The following LIN7A variants were observed in gnomAD, a reference collection of about 807,000 sequenced individuals.
LIN7A encodes lin-7 cell polarity scaffold A, also known as protein lin-7 homolog A.
Under a neutral mutation model 29.8 loss-of-function variants are expected in LIN7A, and 25 were observed. The observed-to-expected ratio is 0.84, with a 90% CI of 0.61 to 1.17. The LOEUF (loss-of-function observed/expected upper bound fraction) is 1.17. LIN7A is among the 50% of genes most tolerant of loss of function. The pLI is 0.00. For synonymous variants in LIN7A, 118 were observed against 107.5 expected, an observed-to-expected ratio of 1.10 and a Z score of -0.60; for missense variants, 239 against 287.0, an observed-to-expected ratio of 0.83 and a Z score of 1.21.
intron 2 of LIN7A, among the ~76,000 whole-genome samples, chr12:80,867,344 C>G (rs960802770): frequency 1.3e-5 from 2 of 152,170 alleles, no homozygotes; most frequent in African/African-American, 2.4e-5. Context: ...ACCCTCACTC[C>G]TGACAAGGGA....
intron 2 of LIN7A, among the ~76,000 whole-genome samples, chr12:80,888,774 G>A (rs534492180): frequency 1.3e-5 from 2 of 152,096 alleles, no homozygotes; most frequent in African/African-American, 2.4e-5. Context: ...GTCAAGAAAG[G>A]ATTACAATGT....
chr12:80,810,000 T>C (rs1871211030), intron 5 of LIN7A, among the ~76,000 whole-genome samples: 1 of 152,240 alleles, frequency 6.6e-6, no homozygotes, highest in South Asian at 2.1e-4. Context: ...CAAATACTTA[T>C]TGTTTCTTTG....
chr12:80,851,920 T>G (rs536989702), intron 2 of LIN7A, among the ~76,000 whole-genome samples: 1 of 152,274 alleles, frequency 6.6e-6, no homozygotes, highest in African/African-American at 2.4e-5. Context: ...TAGAACTTAT[T>G]CCAAGCTACT....
At chr12:80,918,975 C>A (rs746855183) in intron 1 of LIN7A, among the ~76,000 whole-genome samples, 10 of 152,188 alleles carry the variant, frequency 6.6e-5, no homozygotes, top group Admixed American at 1.3e-4. Flanking sequence ...CAGTCACAGC[C>A]TGTACAGGTT....
At chr12:80,882,858 AT>A (rs954586339) in intron 2 of LIN7A, among the ~76,000 whole-genome samples, 1 of 152,090 alleles carries the variant, frequency 6.6e-6, no homozygotes. Flanking sequence ...TTATTGTCTT[AT>A]TTTATCTTAA....
At chr12:80,859,862 G>A (rs1241235096) in intron 2 of LIN7A, among the ~76,000 whole-genome samples, 1 of 151,996 alleles carries the variant, frequency 6.6e-6, no homozygotes, top group Non-Finnish European at 1.5e-5. Context: ...TACTTTTAAT[G>A]TTTATTAGTT....
At chr12:80,840,554 G>C (rs1454032427) in intron 4 of LIN7A, among the ~76,000 whole-genome samples, 1 of 152,190 alleles carries the variant, frequency 6.6e-6, no homozygotes, top group East Asian at 1.9e-4. Context: ...AGGAACAAAT[G>C]AGAGAACATA....
intron 1 of LIN7A, among the ~76,000 whole-genome samples, chr12:80,914,179 A>G (rs1356444008): frequency 6.6e-6 from 1 of 152,190 alleles, no homozygotes; most frequent in African/African-American, 2.4e-5. Context: ...GATTACTATA[A>G]TAATAGAGTC....
At chr12:80,826,078 G>T (rs981870869) in intron 4 of LIN7A, among the ~76,000 whole-genome samples, 3 of 149,634 alleles carry the variant, frequency 2.0e-5, no homozygotes, top group African/African-American at 7.3e-5. Flanking sequence ...TAATTGGAGA[G>T]ATTCAACATT....
At chr12:80,842,146 AT>A in intron 4 of LIN7A, 1 of 1,281,638 alleles carries the variant, frequency 7.8e-7, no homozygotes, top group Non-Finnish European at 1.0e-6. Context: ...GAAAAAATCA[AT>A]TGTTCAATTG....
chr12:80,851,104 G>C (rs960060332), intron 2 of LIN7A, among the ~76,000 whole-genome samples: 2 of 152,074 alleles, frequency 1.3e-5, no homozygotes, highest in African/African-American at 4.8e-5. Flanking sequence ...AACAGCATCA[G>C]ATCATTACTA....
chr12:80,809,627 TA>T (rs1391261469), intron 5 of LIN7A, among the ~76,000 whole-genome samples: 2 of 152,208 alleles, frequency 1.3e-5, no homozygotes, highest in Admixed American at 6.5e-5. Context: ...TATTTTCATC[TA>T]AAAAACTATT....
chr12:80,902,212 T>A, intron 1 of LIN7A, among the ~76,000 whole-genome samples: 1 of 118,884 alleles, frequency 8.4e-6, no homozygotes, highest in Non-Finnish European at 1.7e-5. Flanking sequence ...TCCATTGGTC[T>A]ATGTGTTTTT....
At chr12:80,891,334 T>C (rs953083471) in intron 1 of LIN7A, among the ~76,000 whole-genome samples, 3 of 152,134 alleles carry the variant, frequency 2.0e-5, no homozygotes, top group African/African-American at 7.2e-5. Context: ...CCCTACAGAG[T>C]AAAGTTCAGA....
rs1565917058 is a variant in LIN7A, at chr12:80,889,367, C to T, written c.85G>A (p.Val29Ile). 7.0e-6 allele frequency: 11 copies of T among 1,564,990 alleles called. No individual in the cohort carries two copies. The highest frequency in any genetic ancestry group is 1.4e-5 in the African/African-American group (1 of 73,694). ...TCCAGTAATTCAATTGCTCTTGCAA[C>T]ATCTGAATGAAAAAAAATGAAAATA... ...VVQPLTLDRDVARAIELLEKL... is the reference protein window; with the variant it reads ...VVQPLTLDRDIARAIELLEKL... Residue 29 changes from valine to isoleucine, a missense_variant and splice_region_variant, in exon 2 of 6, where the codon GTT becomes ATT. Physicochemically the swap from Val to Ile is conservative, Grantham distance 29. Coordinates refer to ENST00000552864, the MANE Select transcript of LIN7A (RefSeq NM_004664.4).
intron 2 of LIN7A, among the ~76,000 whole-genome samples, chr12:80,886,377 T>A (rs1486030592): frequency 6.6e-6 from 1 of 152,114 alleles, no homozygotes; most frequent in Non-Finnish European, 1.5e-5. Flanking sequence ...TTTTATATTT[T>A]AATTGAAGAC....
chr12:80,836,153 A>G (rs1355544086), intron 4 of LIN7A, among the ~76,000 whole-genome samples: 1 of 152,232 alleles, frequency 6.6e-6, no homozygotes, highest in Non-Finnish European at 1.5e-5. Context: ...CAACCTTAAA[A>G]CTCCATTGGT....
chr12:80,793,830 T>A lies in LIN7A; in HGVS notation c.*3897A>T, dbSNP rs1870319991. ...GATAATATGCCTGATGATCTTTTTA[T>A]ATAAAAATGAAAATATCTTTTATAA... On this transcript the variant is annotated 3_prime_UTR_variant, in exon 6 of 6. Coordinates refer to ENST00000552864, the MANE Select transcript of LIN7A (RefSeq NM_004664.4). The A allele has an allele frequency of 6.6e-6, 1 of 152,178 alleles. No individual in the cohort carries two copies. The highest frequency in any genetic ancestry group is 1.5e-5 in the Non-Finnish European group (1 of 68,020). The allele number at this position is 152,178 out of a possible 1,614,324, so 9.4% of individuals were successfully genotyped here.
chr12:80,806,199 G>T (rs555134092), intron 5 of LIN7A, among the ~76,000 whole-genome samples: 1 of 151,828 alleles, frequency 6.6e-6, no homozygotes, highest in East Asian at 1.9e-4. Context: ...CATTTTTATC[G>T]GCAGCGTGAA....
Sources: allele counts gnomAD v4.1 joint callset (sites outside exome capture counted in the v4.1 genomes callset), GRCh38; gene constraint gnomAD v4.1.1; transcripts MANE v1.5; gene names NCBI Gene and HGNC (gene_info 2026-07-23, HGNC 2026-07-21).